The following PACRGL variants were observed in gnomAD, a reference collection of about 807,000 sequenced individuals.
PACRGL encodes parkin coregulated like.
In PACRGL, 38 loss-of-function variants were observed where a neutral mutation model predicts 34.5. The observed-to-expected ratio is 1.10, with a 90% confidence interval of 0.85 to 1.44. The LOEUF (loss-of-function observed/expected upper bound fraction) is 1.44. Ranked by LOEUF, PACRGL falls within the 40% of genes most tolerant of loss-of-function variation. PACRGL has a pLI of 0.00. For synonymous variants in PACRGL, 128 were observed against 100.1 expected (o/e 1.28, Z -1.66); for missense variants, 305 against 281.4 (o/e 1.08, Z -0.60).
At position 20,729,954 on chromosome 4, in the gene PACRGL, ACAAAGCT is replaced by A. The variant is rs1747548765; in HGVS notation, c.*2614_*2620del. On this transcript the variant is annotated 3_prime_UTR_variant, in exon 9 of 9. Coordinates refer to ENST00000503585, the MANE Select transcript of PACRGL (RefSeq NM_001258345.3). ...CTTTTGGGGATTGCTTTATATTAAA[ACAAAGCT>A]TGTTTGCATAATATGCTTCAGTGTC... 1 of 1,137,478 alleles carries A rather than the reference ACAAAGCT, an allele frequency of 8.8e-7. No homozygotes were observed. The highest frequency in any genetic ancestry group is 1.6e-5 in the African/African-American group (1 of 62,996). The allele number at this position is 1,137,478 out of a possible 1,614,324, so 70.5% of individuals were successfully genotyped here. A position where few individuals can be genotyped will look rare whatever the true frequency, so the allele number is the denominator to read the frequency against.
chr4:20,746,178 C>CATGG (rs1441527384), intron 8 of PACRGL, among the ~76,000 whole-genome samples: 3 of 152,164 alleles, frequency 2.0e-5, no homozygotes, highest in African/African-American at 7.2e-5. Context: ...ACATATACAC[C>CATGG]ATGGAATACT....
At chr4:20,759,925 A>G in the PACRGL span, among the ~76,000 whole-genome samples, 1 of 152,168 alleles carries the variant, frequency 6.6e-6, no homozygotes, top group African/African-American at 2.4e-5. Context: ...GGATACCAAA[A>G]TCCATGCACA....
At chr4:20,764,681 G>GAC in the PACRGL span, among the ~76,000 whole-genome samples, 28,194 of 146,918 alleles carry the variant, frequency 0.19, 2,706 homozygotes, top group Non-Finnish European at 0.22. Flanking sequence ...ATGGGAATTG[G>GAC]ACACACACAC....
chr4:20,744,954 T>C (rs1006724613), intron 8 of PACRGL, among the ~76,000 whole-genome samples: 26 of 152,130 alleles, frequency 1.7e-4, no homozygotes, highest in South Asian at 8.3e-4. Context: ...AGGAAGCACA[T>C]TTTATCCCTT....
rs1314819768 is a variant in PACRGL at position 20,729,999 on chromosome 4, C to G, written c.*2658C>G. On this transcript the variant is annotated 3_prime_UTR_variant, in exon 9 of 9. Coordinates refer to ENST00000503585, the MANE Select transcript of PACRGL (RefSeq NM_001258345.3). ...ATGCTTCAGTGTCAAGCTGAGCAAT[C>G]TATGCTAAAAGTGGTAGCTCCAACT... 54 of 1,473,516 alleles carry G rather than the reference C, an allele frequency of 3.7e-5. No homozygotes were observed. Among genetic ancestry groups the G allele is most frequent in the Non-Finnish European group, 4.8e-5 (53 of 1,098,318 alleles). The allele number at this position is 1,473,516 out of a possible 1,614,324, so 91.3% of individuals were successfully genotyped here.
chr4:20,725,614 CT>C (rs1277516160), intron 8 of PACRGL, among the ~76,000 whole-genome samples: 1 of 152,074 alleles, frequency 6.6e-6, no homozygotes, highest in Non-Finnish European at 1.5e-5. Context: ...ATGTGACCAT[CT>C]TAACATTGTA....
In PACRGL at chr4:20,700,480, G is replaced by T. The variant is rs3796639; in HGVS notation, c.-324G>T. 0.095 allele frequency: 14,517 copies of T among 152,260 alleles called. 897 individuals are homozygous for T. The highest frequency in any genetic ancestry group is 0.13 in the East Asian group (669 of 5,112). The allele number at this position is 152,260 out of a possible 1,614,324, so 9.4% of individuals were successfully genotyped here. On this transcript the variant is annotated 5_prime_UTR_variant, in exon 1 of 9. Coordinates refer to ENST00000503585, the MANE Select transcript of PACRGL (RefSeq NM_001258345.3). ...CTCATTTCCCCAAACGCAGGCGCTC[G>T]GTGGCGGTAGCCGCGGTTGTTGGCC... is the stretch of plus-strand genomic sequence containing the variant.
At chr4:20,708,176 A>T (rs976530415) in intron 4 of PACRGL, among the ~76,000 whole-genome samples, 7 of 152,180 alleles carry the variant, frequency 4.6e-5, no homozygotes, top group African/African-American at 1.7e-4. Flanking sequence ...CAAATTAAAA[A>T]ATCCTATCTT....
At chr4:20,714,162 C>G (rs1368680857) in intron 7 of PACRGL, among the ~76,000 whole-genome samples, 1 of 152,030 alleles carries the variant, frequency 6.6e-6, no homozygotes, top group Non-Finnish European at 1.5e-5. Flanking sequence ...TCAGGACTTG[C>G]TTTATGAATC....
chr4:20,767,113 G>A, the PACRGL span: 1 of 152,178 alleles, frequency 6.6e-6, no homozygotes, highest in Non-Finnish European at 1.5e-5. Flanking sequence ...ATCACGCAAT[G>A]AGTCACTGTA....
chr4:20,766,381 C>T, the PACRGL span, among the ~76,000 whole-genome samples: 1 of 152,194 alleles, frequency 6.6e-6, no homozygotes, highest in African/African-American at 2.4e-5. Context: ...GCTTGGACAA[C>T]ATGGTGAAAC....
In PACRGL at chr4:20,730,056, G is replaced by C. The variant is rs377682600; in HGVS notation, c.*2715G>C. Reference sequence around the variant, plus strand: ...GTGGTAGAATAGTTCACATTTGTCTGTTGGATTCAGGATCTATTTGACAAG... The same window carrying C: ...GTGGTAGAATAGTTCACATTTGTCTCTTGGATTCAGGATCTATTTGACAAG... On this transcript the variant is annotated 3_prime_UTR_variant, in exon 9 of 9. Transcript: ENST00000503585. The C allele has an allele frequency of 6.2e-7, 1 of 1,601,054 alleles. No homozygotes were observed. Among genetic ancestry groups the C allele is most frequent in the Non-Finnish European group, 8.5e-7 (1 of 1,175,402 alleles).
intron 7 of PACRGL, among the ~76,000 whole-genome samples, chr4:20,717,319 C>T (rs980413064): frequency 6.6e-6 from 1 of 152,130 alleles, no homozygotes; most frequent in Non-Finnish European, 1.5e-5. Flanking sequence ...TTTTGCTGTG[C>T]AGAAGCTCTT....
At chr4:20,721,542 C>G (rs1743195426) in intron 7 of PACRGL, among the ~76,000 whole-genome samples, 1 of 152,128 alleles carries the variant, frequency 6.6e-6, no homozygotes, top group Non-Finnish European at 1.5e-5. Flanking sequence ...TTCCTTCTAA[C>G]AGTTGGGACG....
At chr4:20,756,244 G>A (rs933439168), downstream of PACRGL, among the ~76,000 whole-genome samples, 16 of 151,694 alleles carry the variant, frequency 1.1e-4, no homozygotes, top group Non-Finnish European at 1.6e-4. Flanking sequence ...AGAAACAGTT[G>A]TCCCCTATAT....
chr4:20,716,297 T>C (rs776718998), intron 7 of PACRGL: 5 of 596,150 alleles, frequency 8.4e-6, no homozygotes, highest in Non-Finnish European at 1.5e-5. Context: ...CATGGAGTTT[T>C]CAGTTTTCTT....
At chr4:20,711,715 A>T (rs1210569330) in intron 5 of PACRGL, among the ~76,000 whole-genome samples, 1 of 152,062 alleles carries the variant, frequency 6.6e-6, no homozygotes, top group Non-Finnish European at 1.5e-5. Flanking sequence ...AAAAAGTCAG[A>T]TGGCCCTTTT....
intron 7 of PACRGL, among the ~76,000 whole-genome samples, chr4:20,714,681 T>C (rs1423042860): frequency 6.6e-6 from 1 of 152,156 alleles, no homozygotes; most frequent in Non-Finnish European, 1.5e-5. Flanking sequence ...AGGAGCTCTT[T>C]TAGGGCAGGC....
chr4:20,705,941 A>G (rs887040785), intron 3 of PACRGL, among the ~76,000 whole-genome samples: 1 of 149,152 alleles, frequency 6.7e-6, no homozygotes, highest in African/African-American at 2.5e-5. Context: ...AACTCTGTTG[A>G]TAAACAGGTG....
Sources: gnomAD v4.1 joint callset for allele counts (sites outside exome capture counted in the v4.1 genomes callset) on GRCh38, gnomAD v4.1.1 for gene constraint, MANE v1.5 for transcripts, NCBI Gene and HGNC (gene_info 2026-07-23, HGNC 2026-07-21) for gene names.